Variants in ABR observed in about 807,000 individuals in gnomAD.
ABR encodes ABR activator of RhoGEF and GTPase.
Under a neutral mutation model 107.2 loss-of-function variants are expected in ABR, and 35 were observed. The observed-to-expected ratio is 0.33, with a 90% CI of 0.25 to 0.43. The LOEUF (loss-of-function observed/expected upper bound fraction) is 0.43. Ranked by LOEUF, ABR falls within the 20% of genes least tolerant of loss-of-function variation. The pLI is 1.00. For missense variants in ABR, 815 were observed against 1,115.2 expected (o/e 0.73, Z 3.83); for synonymous variants, 498 against 462.0 (o/e 1.08, Z -1.00).
chr17:1,198,313 C>A (rs1231552130), intron 1 of ABR, among the ~76,000 whole-genome samples: 1 of 151,540 alleles, frequency 6.6e-6, no homozygotes, highest in East Asian at 1.9e-4. Flanking sequence ...TTGCCCAAGG[C>A]CGAGCTGCTG....
upstream of ABR, among the ~76,000 whole-genome samples, chr17:1,190,000 A>G (rs548945837): frequency 1.3e-5 from 2 of 152,352 alleles, no homozygotes; most frequent in South Asian, 4.1e-4. Flanking sequence ...CACCAGCTGG[A>G]AAAGAACTGT....
intron 1 of ABR, among the ~76,000 whole-genome samples, chr17:1,225,949 G>A (rs896675203): frequency 2.6e-5 from 4 of 152,156 alleles, no homozygotes; most frequent in African/African-American, 9.7e-5. Flanking sequence ...TCATCTCACA[G>A]CAAGAAATAC....
chr17:1,094,336 G>T (rs148489465), intron 3 of ABR, among the ~76,000 whole-genome samples: 2 of 151,726 alleles, frequency 1.3e-5, no homozygotes, highest in Admixed American at 6.6e-5. Context: ...TGGCATTCCC[G>T]TCAGTGCGTA....
At chr17:1,108,700 G>GC (rs1327637614) in intron 2 of ABR, among the ~76,000 whole-genome samples, 1 of 152,168 alleles carries the variant, frequency 6.6e-6, no homozygotes, top group East Asian at 1.9e-4. Flanking sequence ...TGGCACAGCC[G>GC]CCGGAGCCCT....
At chr17:1,026,831 G>T (rs2072235787) in intron 16 of ABR, among the ~76,000 whole-genome samples, 1 of 152,234 alleles carries the variant, frequency 6.6e-6, no homozygotes, top group African/African-American at 2.4e-5. Context: ...CAGTGAGCGA[G>T]GCCACTCAGC....
At chr17:1,057,518 C>T (rs2033452963) in intron 12 of ABR, among the ~76,000 whole-genome samples, 1 of 151,998 alleles carries the variant, frequency 6.6e-6, no homozygotes, top group Non-Finnish European at 1.5e-5. Context: ...GCTGGGATTA[C>T]AGGTGCCCAC....
intron 16 of ABR, among the ~76,000 whole-genome samples, chr17:1,016,464 C>G (rs1056886480): frequency 1.3e-5 from 2 of 151,882 alleles, no homozygotes; most frequent in African/African-American, 2.4e-5. Context: ...TTACAGGTGC[C>G]TGCCACCACG....
intron 12 of ABR, 52 bp downstream of exon 12, chr17:1,057,918 C>T: frequency 6.6e-7 from 1 of 1,517,238 alleles, no homozygotes; most frequent in Non-Finnish European, 9.1e-7. Context: ...ATACAAAAGG[C>T]CCATCAATGC....
At chr17:1,133,206 C>T (rs2039921257) in intron 1 of ABR, among the ~76,000 whole-genome samples, 1 of 151,048 alleles carries the variant, frequency 6.6e-6, no homozygotes, top group Admixed American at 6.6e-5. Context: ...CACAACATTG[C>T]TCTCCAGCCT....
intron 1 of ABR, among the ~76,000 whole-genome samples, chr17:1,173,562 G>A (rs2041824880): frequency 6.6e-6 from 1 of 151,946 alleles, no homozygotes; most frequent in Admixed American, 6.6e-5. Context: ...CTCCCTTTGG[G>A]GGTCTCTGAC....
chr17:1,059,323 C>T (rs780499650), intron 10 of ABR, among the ~76,000 whole-genome samples: 8 of 152,208 alleles, frequency 5.3e-5, no homozygotes, highest in Non-Finnish European at 1.0e-4. Context: ...ACTTTCTTTC[C>T]ATTCCTGCCT....
rs138502139 is a variant in ABR, at chr17:1,027,407, G to T, written c.1792-14243C>A. On this transcript the variant is annotated intron_variant, in intron 16 of 22. Transcript: ENST00000302538. This position sits in a 1 kb window ranked among gnomAD's most constrained non-coding sequence, Gnocchi z 4.7. The stretch of plus-strand genomic sequence containing the variant: ...TGAAGTCGCACACAGTGTGTGCATG[G>T]GGTGGCTCTGTGTCTGAGTGGCCTC... Among the ~76,000 whole-genome samples the T allele has an allele frequency of 2.1e-3, 320 of 152,332 alleles. 3 individuals are homozygous for T. Among genetic ancestry groups the T allele is most frequent in the South Asian group, 3.1e-3 (15 of 4,830 alleles).
In ABR at chr17:1,091,744, T is replaced by C; in HGVS notation, c.452A>G (p.Lys151Arg). Residue 151 changes from lysine to arginine, a missense_variant, in exon 4 of 23, where the codon AAG becomes AGG. Around this residue, in one of 5 missense-constraint regions of ABR, gnomAD observed 385 missense variants for 596.9 expected, o/e 0.64. Transcript: ENST00000302538. ...GGGGCACAGGTTGTCATAGAACTCC[T>C]TGTGGATCTCATAGATGTCCTGGAT... is the stretch of plus-strand genomic sequence containing the variant. ...YKIQDIYEIH[K>R]EFYDNLCPKV... is the part of the protein sequence containing the mutation. The C allele has an allele frequency of 1.2e-6, 2 of 1,614,148 alleles. No homozygotes were observed. The highest frequency in any genetic ancestry group is 1.1e-5 in the South Asian group (1 of 91,084).
chr17:1,024,405 G>A lies in ABR; in HGVS notation c.1792-11241C>T, dbSNP rs541296778. On this transcript the variant is annotated intron_variant, in intron 16 of 22. Coordinates refer to ENST00000302538, the MANE Select transcript of ABR (RefSeq NM_021962.5). Reference sequence around the variant, plus strand: ...GCGGGTGAGAGCCTGCGCTGAGGCTGAGTGGCCGGGGTCTGAACGTCGCCC... The same window carrying A: ...GCGGGTGAGAGCCTGCGCTGAGGCTAAGTGGCCGGGGTCTGAACGTCGCCC... Among the ~76,000 whole-genome samples the A allele has an allele frequency of 6.6e-5, 10 of 152,366 alleles. No individual in the cohort carries two copies. The South Asian group carries it at 1.9e-3, about 28-fold the overall frequency.
intron 1 of ABR, among the ~76,000 whole-genome samples, chr17:1,166,271 G>T (rs2041503607): frequency 6.6e-6 from 1 of 152,122 alleles, no homozygotes; most frequent in Admixed American, 6.5e-5. Context: ...GGGGCAGGCT[G>T]CGGCCCCATG....
At chr17:1,106,459 C>CA (rs1392005010) in intron 2 of ABR, among the ~76,000 whole-genome samples, 7 of 151,744 alleles carry the variant, frequency 4.6e-5, no homozygotes, top group African/African-American at 1.7e-4. Flanking sequence ...AGGCCATCCC[C>CA]AACTCCACTA....
intron 1 of ABR, among the ~76,000 whole-genome samples, chr17:1,147,392 A>C (rs2040600533): frequency 6.8e-6 from 1 of 147,034 alleles, no homozygotes; most frequent in Non-Finnish European, 1.5e-5. Context: ...ACAGAGTCTC[A>C]CTCTGTCGCC....
At chr17:1,173,621 T>C (rs953957273) in intron 1 of ABR, among the ~76,000 whole-genome samples, 3 of 152,088 alleles carry the variant, frequency 2.0e-5, no homozygotes, top group African/African-American at 7.2e-5. Flanking sequence ...CGGAAACGCA[T>C]GGACGGGCCA....
intron 16 of ABR, among the ~76,000 whole-genome samples, chr17:1,018,231 A>G (rs1042534398): frequency 3.3e-5 from 5 of 151,340 alleles, no homozygotes; most frequent in East Asian, 2.0e-4. Context: ...TTTAGTAGAG[A>G]CGGGGTTTCA....
Sources: gnomAD v4.1 joint callset for allele counts (sites outside exome capture counted in the v4.1 genomes callset) on GRCh38, gnomAD v4.1.1 for gene constraint, gnomAD v4.1.1 regional missense constraint, Gnocchi (gnomAD v3.1) non-coding constraint, MANE v1.5 for transcripts, NCBI Gene and HGNC (gene_info 2026-07-23, HGNC 2026-07-21) for gene names.